The following IQSEC2 variants were observed in gnomAD, a reference collection of about 807,000 sequenced individuals.
IQSEC2 encodes IQ motif and Sec7 domain ArfGEF 2, also known as IQ motif and SEC7 domain-containing protein 2.
A neutral mutation model predicts 74.6 loss-of-function variants in IQSEC2; 6 were observed. That is an observed-to-expected ratio of 0.08 (90% CI 0.04 to 0.16). The LOEUF (loss-of-function observed/expected upper bound fraction) is 0.16, where lower values mean the gene tolerates loss of function less well. IQSEC2 is among the 10% of genes least tolerant of loss of function. IQSEC2 has a pLI of 1.00. For missense variants in IQSEC2, 734 were observed against 1,306.2 expected, an observed-to-expected ratio of 0.56 and a Z score of 6.75; for synonymous variants, 494 against 544.5, an observed-to-expected ratio of 0.91 and a Z score of 1.29.
chrX:53,255,675 A>G, intron 3 of IQSEC2, 125 bp downstream of exon 3: 1 of 817,205 alleles, frequency 1.2e-6, no homozygotes, highest in Non-Finnish European at 1.8e-6. Context: ...GTCCTGGGCC[A>G]GTCTTCTCCA....
At chrX:53,318,367 G>C (rs967358225) in intron 1 of IQSEC2, among the ~76,000 whole-genome samples, 1 of 112,251 alleles carries the variant, frequency 8.9e-6, no homozygotes, top group Middle Eastern at 4.2e-3. Flanking sequence ...CAACCTGGGG[G>C]GGTTCACAAA....
At chrX:53,311,013 G>C (rs1157098908) in intron 1 of IQSEC2, among the ~76,000 whole-genome samples, 1 of 103,286 alleles carries the variant, frequency 9.7e-6, no homozygotes, top group Non-Finnish European at 2.0e-5. Flanking sequence ...CCAGCTACTC[G>C]GGAGGCTGAG....
intron 2 of IQSEC2, chrX:53,279,296 C>T (rs1399984630): frequency 3.4e-6 from 1 of 298,395 alleles, no homozygotes; most frequent in Non-Finnish European, 5.9e-6. Context: ...TTTAAAAAAG[C>T]TGGATTATCA....
At chrX:53,250,071 A>T (rs1556862874) in intron 5 of IQSEC2, among the ~76,000 whole-genome samples, 2 of 111,514 alleles carry the variant, frequency 1.8e-5, no homozygotes, top group Non-Finnish European at 3.8e-5. Flanking sequence ...CAGGGGCAGT[A>T]CTGGGACCCG....
intron 2 of IQSEC2, among the ~76,000 whole-genome samples, chrX:53,278,902 G>A (rs1281189253): frequency 8.9e-6 from 1 of 112,420 alleles, no homozygotes; most frequent in African/African-American, 3.2e-5. Context: ...TTCCAGCCGG[G>A]TGTGGTGGCT....
In IQSEC2 at chrX:53,256,001, T is replaced by G. The variant is rs1602293880; in HGVS notation, c.798A>C (p.Gln266His). ...LSTAVDSPGS[Q>H]PPYRLSQLPP... ...GCAGCTGGCTCAGCCGGTAGGGGGG[T>G]TGGCTCCCAGGACTATCAACCGCTG... The change falls in exon 3 of 15, where the codon CAA becomes CAC. Residue 266 changes from glutamine to histidine, a missense_variant. Physicochemically the swap from Gln to His is conservative, Grantham distance 24. Around this residue, in one of 12 missense-constraint regions of IQSEC2, gnomAD observed 54 missense variants for 62.1 expected, o/e 0.87. Transcript: ENST00000642864. 1 of 1,186,141 alleles carries G rather than the reference T, an allele frequency of 8.4e-7. No individual in the cohort carries two copies. The highest frequency in any genetic ancestry group is 1.1e-6 in the Non-Finnish European group (1 of 882,173).
At chrX:53,281,461 G>C (rs201375210) in intron 2 of IQSEC2, 1 of 860,192 alleles carries the variant, frequency 1.2e-6, no homozygotes, top group East Asian at 3.5e-5. Context: ...TGGGCAGGAA[G>C]GGAGGGGGCC....
intron 1 of IQSEC2, among the ~76,000 whole-genome samples, chrX:53,300,031 G>C (rs1159552924): frequency 9.0e-6 from 1 of 111,026 alleles, no homozygotes; most frequent in Non-Finnish European, 1.9e-5. Flanking sequence ...AAGTTGGGGG[G>C]GGAATTACAG....
chrX:53,316,237 A>G (rs2075369143), intron 1 of IQSEC2, among the ~76,000 whole-genome samples: 1 of 111,840 alleles, frequency 8.9e-6, no homozygotes. Context: ...CTTGCCCCAG[A>G]TCTAGATAGA....
At chrX:53,245,061 C>G (rs1421542325) in intron 8 of IQSEC2, among the ~76,000 whole-genome samples, 1 of 110,041 alleles carries the variant, frequency 9.1e-6, no homozygotes, top group African/African-American at 3.3e-5. Flanking sequence ...TGATCTAACT[C>G]CCTCCTCCCA....
Position 53,243,952 on chromosome X carries a change from G to A in IQSEC2, c.2750-481C>T, listed in dbSNP as rs1229984388. Among the ~76,000 whole-genome samples the A allele has an allele frequency of 3.6e-5, 4 of 111,904 alleles. No homozygotes were observed. The South Asian group carries it at 1.5e-3, about 41-fold the overall frequency. Reference sequence around the variant, plus strand: ...ATGCTAGTGCAGGCGGGGCATGGTGGCTCACGCCTGTACTCCCAGCACTTT... The same window carrying A: ...ATGCTAGTGCAGGCGGGGCATGGTGACTCACGCCTGTACTCCCAGCACTTT... On this transcript the variant is annotated intron_variant, in intron 8 of 14. Transcript: ENST00000642864.
intron 2 of IQSEC2, among the ~76,000 whole-genome samples, chrX:53,275,728 C>CTTTTTTTTT (rs1219701474): frequency 3.2e-4 from 26 of 81,685 alleles, no homozygotes; most frequent in East Asian, 2.5e-3. Flanking sequence ...TGCCCTCATT[C>CTTTTTTTTT]TTTTTTTTTT....
chrX:53,256,804 C>CT (rs1219725213), intron 2 of IQSEC2, among the ~76,000 whole-genome samples: 2 of 112,681 alleles, frequency 1.8e-5, no homozygotes, highest in African/African-American at 6.4e-5. Context: ...TGCGGGGCAG[C>CT]TTCCTTTTTC....
Position 53,316,769 on chromosome X carries a change from G to A in IQSEC2, c.707+3648C>T, listed in dbSNP as rs782179453. Among the ~76,000 whole-genome samples the A allele has an allele frequency of 5.7e-5, 6 of 104,878 alleles. No homozygotes were observed. In the South Asian group the frequency reaches 2.6e-3, roughly 45 times the overall value. The allele number at this position is 104,878 out of a possible 115,157, so 91.1% of individuals were successfully genotyped here. A position where few individuals can be genotyped will look rare whatever the true frequency, so the allele number is the denominator to read the frequency against. On this transcript the variant is annotated intron_variant, in intron 1 of 14. Coordinates refer to ENST00000642864, the MANE Select transcript of IQSEC2 (RefSeq NM_001111125.3). ...GAACTCACTTGAGTAAGCTATGTTC[G>A]CAACACTGCACTCCAGCCTGAGCAG...
At chrX:53,267,048 C>T in intron 2 of IQSEC2, 1 of 1,152,200 alleles carries the variant, frequency 8.7e-7, no homozygotes, top group Non-Finnish European at 1.1e-6. Flanking sequence ...TCAGTCTCCT[C>T]CTCCTCCTCC....
chrX:53,272,175 C>G (rs1056946587), intron 2 of IQSEC2, among the ~76,000 whole-genome samples: 1 of 110,852 alleles, frequency 9.0e-6, no homozygotes, highest in Admixed American at 9.6e-5. Flanking sequence ...CAGACAGGGC[C>G]AAATTCCTTC....
chrX:53,237,442 G>A (rs1261708168), intron 12 of IQSEC2: 1 of 113,304 alleles, frequency 8.8e-6, no homozygotes, highest in Non-Finnish European at 1.9e-5. Context: ...CCGCCGCCTC[G>A]TCTCTGTCTG....
chrX:53,277,353 A>G (rs782321929), intron 2 of IQSEC2, among the ~76,000 whole-genome samples: 2 of 110,056 alleles, frequency 1.8e-5, no homozygotes, highest in African/African-American at 6.6e-5. Flanking sequence ...GTGGGATTAC[A>G]GGCGCCTGCC....
At chrX:53,227,715 T>C (rs1007315362), downstream of IQSEC2, 2 of 245,398 alleles carry the variant, frequency 8.2e-6, no homozygotes, top group African/African-American at 5.8e-5. Context: ...ACGGTAGATC[T>C]TAGGCCGAAG....
Sources: allele counts gnomAD v4.1 joint callset (sites outside exome capture counted in the v4.1 genomes callset), GRCh38; gene constraint gnomAD v4.1.1; regional missense constraint gnomAD v4.1.1; transcripts MANE v1.5; gene names NCBI Gene and HGNC (gene_info 2026-07-23, HGNC 2026-07-21).